Variants in ARHGAP32 observed in about 807,000 individuals in gnomAD.
The protein encoded by ARHGAP32 is rho GTPase-activating protein 32.
A neutral mutation model predicts 186.5 loss-of-function variants in ARHGAP32; 51 were observed. The observed-to-expected ratio is 0.27, with a 90% CI of 0.22 to 0.35. ARHGAP32 has a LOEUF of 0.35. Ranked by LOEUF, ARHGAP32 falls within the 10% of genes least tolerant of loss-of-function variation. ARHGAP32 has a pLI of 1.00. For missense variants in ARHGAP32, 2,186 were observed against 2,623.5 expected, an observed-to-expected ratio of 0.83 and a Z score of 3.64; for synonymous variants, 950 against 964.3, an observed-to-expected ratio of 0.99 and a Z score of 0.27.
chr11:129,162,648 A>G (rs994804245), intron 2 of ARHGAP32, among the ~76,000 whole-genome samples: 1 of 152,214 alleles, frequency 6.6e-6, no homozygotes, highest in African/African-American at 2.4e-5. Flanking sequence ...AAAAGGCTTT[A>G]GATATACATA....
intron 10 of ARHGAP32, among the ~76,000 whole-genome samples, chr11:129,056,215 T>C (rs949271433): frequency 2.0e-5 from 3 of 152,180 alleles, no homozygotes; most frequent in Non-Finnish European, 4.4e-5. Context: ...GGGTATTACA[T>C]GAAACTCTGA....
chr11:128,993,696 CTT>C (rs113968109), intron 12 of ARHGAP32, among the ~76,000 whole-genome samples: 10 of 141,650 alleles, frequency 7.1e-5, no homozygotes, highest in African/African-American at 7.7e-5. Flanking sequence ...CATATGAAGT[CTT>C]TTTTTTTTTT....
intron 1 of ARHGAP32, among the ~76,000 whole-genome samples, chr11:129,210,168 GA>G (rs1315150581): frequency 5.9e-5 from 9 of 152,342 alleles, no homozygotes; most frequent in African/African-American, 2.2e-4. Flanking sequence ...AGAAGCCAGA[GA>G]AGCATTCATG....
In ARHGAP32 at chr11:128,978,843, T is replaced by C. The variant is rs908564506; in HGVS notation, c.2049A>G (p.Ser683=). 6.2e-7 allele frequency: 1 copy of C among 1,613,016 alleles called. No homozygotes were observed. The highest frequency in any genetic ancestry group is 8.5e-7 in the Non-Finnish European group (1 of 1,179,606). Residue 683 remains serine (S), a synonymous_variant, in exon 19 of 23, where the codon TCA becomes TCG. Transcript: ENST00000682385. ...SWRSFFNLGK[S]SSVSKRKLQR... ...GCAGCTTTCGTTTAGAAACAGATGA[T>C]GATTTCCCCAAGTTGAAAAAGGAAC... is the stretch of plus-strand genomic sequence containing the variant.
intron 15 of ARHGAP32, among the ~76,000 whole-genome samples, chr11:128,982,336 C>T (rs892585126): frequency 2.0e-5 from 3 of 152,164 alleles, no homozygotes; most frequent in African/African-American, 7.2e-5. Context: ...TTCAAATCCT[C>T]ATATTCTGGT....
chr11:129,227,198 G>A (rs1944796940), intron 1 of ARHGAP32, among the ~76,000 whole-genome samples: 1 of 151,876 alleles, frequency 6.6e-6, no homozygotes, highest in South Asian at 2.1e-4. Flanking sequence ...AAACTAGAGT[G>A]TTATAAATTA....
At chr11:129,124,134 A>C (rs1218768516) in intron 3 of ARHGAP32, among the ~76,000 whole-genome samples, 1 of 152,200 alleles carries the variant, frequency 6.6e-6, no homozygotes, top group Non-Finnish European at 1.5e-5. Context: ...GAATATTTGC[A>C]TATATCTATG....
chr11:129,022,888 G>T, intron 11 of ARHGAP32, among the ~76,000 whole-genome samples: 1 of 151,880 alleles, frequency 6.6e-6, no homozygotes, highest in East Asian at 1.9e-4. Context: ...TCCACTAAAT[G>T]CCATATAGCA....
At chr11:129,066,223 C>T (rs1940683855) in intron 7 of ARHGAP32, among the ~76,000 whole-genome samples, 1 of 152,176 alleles carries the variant, frequency 6.6e-6, no homozygotes, top group Admixed American at 6.6e-5. Context: ...TCCCCATAAA[C>T]CTTATCCCAT....
At position 129,123,227 on chromosome 11, in the gene ARHGAP32, G is replaced by T. The variant is rs1942575892; in HGVS notation, c.444+219C>A. 6.6e-6 allele frequency among the ~76,000 whole-genome samples: 1 copy of T among 151,954 alleles called. No homozygotes were observed. Among genetic ancestry groups the T allele is most frequent in the African/African-American group, 2.4e-5 (1 of 41,382 alleles). ...GGGACAGGACTGATTTTCCTTAACTGATACATGTTAGTGTGATGGTTACTT... is the reference window on the plus strand; with the variant it reads ...GGGACAGGACTGATTTTCCTTAACTTATACATGTTAGTGTGATGGTTACTT... On this transcript the variant is annotated intron_variant, in intron 5 of 22. Coordinates refer to ENST00000682385, the MANE Select transcript of ARHGAP32 (RefSeq NM_001378024.1). This position sits in a 1 kb window ranked among gnomAD's most constrained non-coding sequence, Gnocchi z 4.6.
intron 1 of ARHGAP32, among the ~76,000 whole-genome samples, chr11:129,265,729 T>C (rs1945389455): frequency 6.6e-6 from 1 of 152,178 alleles, no homozygotes. Context: ...TGAATTTACA[T>C]GTAAGCACCA....
chr11:129,149,379 C>A (rs1565445036), intron 2 of ARHGAP32, among the ~76,000 whole-genome samples: 1 of 152,316 alleles, frequency 6.6e-6, no homozygotes, highest in East Asian at 1.9e-4. Context: ...AGGACTGGGT[C>A]TACCTCACTC....
intron 2 of ARHGAP32, among the ~76,000 whole-genome samples, chr11:129,132,910 T>C (rs940258843): frequency 6.6e-6 from 1 of 152,200 alleles, no homozygotes; most frequent in African/African-American, 2.4e-5. Flanking sequence ...ATATAAATTT[T>C]AGAACAGAGA....
chr11:129,044,765 G>GC (rs1266683332), intron 10 of ARHGAP32, among the ~76,000 whole-genome samples: 1 of 152,036 alleles, frequency 6.6e-6, no homozygotes, highest in Non-Finnish European at 1.5e-5. Flanking sequence ...GTGATCTATG[G>GC]CAAACTGCTT....
At chr11:129,131,954 GT>G (rs1942820601) in intron 2 of ARHGAP32, among the ~76,000 whole-genome samples, 1 of 152,044 alleles carries the variant, frequency 6.6e-6, no homozygotes, top group Non-Finnish European at 1.5e-5. Flanking sequence ...TTATTTTTAA[GT>G]TCTGGGGTAC....
chr11:129,024,137 T>A, intron 11 of ARHGAP32: 1 of 985,476 alleles, frequency 1.0e-6, no homozygotes, highest in Non-Finnish European at 1.2e-6. Flanking sequence ...CCAGCAAGTG[T>A]GTGGGAGAGC....
Position 129,094,985 on chromosome 11 carries a change from T to A in ARHGAP32, c.445-1278A>T, listed in dbSNP as rs76361128. Among the ~76,000 whole-genome samples the A allele has an allele frequency of 1.9e-3, 283 of 152,328 alleles. 6 individuals are homozygous for A. In the East Asian group the frequency reaches 0.04, roughly 22 times the overall value. ...AATAAATGTAATGTACCATTATAAT[T>A]CATACTATATGAAGTACAAGGTTGA... On this transcript the variant is annotated intron_variant, in intron 5 of 22. Transcript: ENST00000682385.
At chr11:129,233,307 T>TG (rs34016634) in intron 1 of ARHGAP32, among the ~76,000 whole-genome samples, 1 of 152,016 alleles carries the variant, frequency 6.6e-6, no homozygotes, top group Non-Finnish European at 1.5e-5. Context: ...TGAAACTAAG[T>TG]GGGGGGTACA....
At chr11:129,012,208 A>G (rs1053936333) in intron 11 of ARHGAP32, among the ~76,000 whole-genome samples, 9 of 152,234 alleles carry the variant, frequency 5.9e-5, no homozygotes, top group African/African-American at 2.2e-4. Context: ...CAACTCCTTT[A>G]CTATTGGTAA....
Sources: allele counts gnomAD v4.1 joint callset (sites outside exome capture counted in the v4.1 genomes callset), GRCh38; gene constraint gnomAD v4.1.1; non-coding constraint Gnocchi (gnomAD v3.1); transcripts MANE v1.5; gene names NCBI Gene and HGNC (gene_info 2026-07-23, HGNC 2026-07-21).